ARL15: variants seen among roughly 807,000 people sequenced by gnomAD.
ARL15 encodes ARF like GTPase 15.
ARL15 carries 19 observed loss-of-function variants against 25.2 expected under a neutral mutation model. That is an observed-to-expected ratio of 0.75 (90% CI 0.53 to 1.10). The LOEUF (loss-of-function observed/expected upper bound fraction) is 1.10. ARL15 is among the 50% of genes least tolerant of loss of function. ARL15 has a pLI of 0.00. For missense variants in ARL15, 220 were observed against 246.0 expected (o/e 0.89, Z 0.71); for synonymous variants, 94 against 86.8 (o/e 1.08, Z -0.46).
chr5:54,292,649 C>T (rs953169752), intron 1 of ARL15, among the ~76,000 whole-genome samples: 5 of 152,020 alleles, frequency 3.3e-5, no homozygotes, highest in East Asian at 1.9e-4. Context: ...AGTAGAACCA[C>T]GCACAATTCA....
intron 1 of ARL15, among the ~76,000 whole-genome samples, chr5:54,259,602 T>C (rs1048184286): frequency 6.6e-6 from 1 of 152,106 alleles, no homozygotes; most frequent in Admixed American, 6.6e-5. Flanking sequence ...TGGGAGGTCA[T>C]CAACATTCAG....
intron 3 of ARL15, among the ~76,000 whole-genome samples, chr5:54,141,732 G>A (rs899705408): frequency 2.0e-5 from 3 of 151,738 alleles, no homozygotes; most frequent in Admixed American, 2.0e-4. Context: ...CCACTCCCAG[G>A]CAATCACTGG....
chr5:54,046,271 A>T (rs925146998), intron 4 of ARL15, among the ~76,000 whole-genome samples: 1 of 152,216 alleles, frequency 6.6e-6, no homozygotes, highest in Admixed American at 6.5e-5. Context: ...ACATGAGGTC[A>T]GGAGTTTGAG....
chr5:53,991,561 AG>A lies in ARL15; in HGVS notation c.463-104849del, dbSNP rs150250231. ...CCATCTCAAAAAAAAAAAAAAAAAA[AG>A]GGGGGGCGGGGGGCAATTGAAGCAA... On this transcript the variant is annotated intron_variant, in intron 4 of 4. Coordinates refer to ENST00000504924, the MANE Select transcript of ARL15 (RefSeq NM_019087.3). Among the ~76,000 whole-genome samples, 388 of 92,068 alleles carry A rather than the reference AG, an allele frequency of 4.2e-3. 10 individuals are homozygous for A. The highest frequency in any genetic ancestry group is 6.2e-3 in the East Asian group (14 of 2,266). The allele number at this position is 92,068 out of a possible 152,430, so 60.4% of individuals were successfully genotyped here.
chr5:53,925,997 CTTT>C (rs70986651), intron 4 of ARL15, among the ~76,000 whole-genome samples: 26,934 of 122,866 alleles, frequency 0.22, 2,792 homozygotes, highest in East Asian at 0.39. Flanking sequence ...TTTTTTCTTT[CTTT>C]TTTTTTTTTT....
intron 4 of ARL15, among the ~76,000 whole-genome samples, chr5:54,084,391 A>G (rs1186697987): frequency 2.1e-5 from 3 of 143,214 alleles, no homozygotes; most frequent in African/African-American, 7.9e-5. Flanking sequence ...GGAGTAGGAT[A>G]CTTTTGGGGC....
chr5:54,307,163 C>A (rs1758779496), intron 1 of ARL15, among the ~76,000 whole-genome samples: 1 of 152,166 alleles, frequency 6.6e-6, no homozygotes, highest in Non-Finnish European at 1.5e-5. Flanking sequence ...TAGGAAGATT[C>A]ACTCATCAAC....
chr5:54,089,348 A>G (rs1372151919), intron 4 of ARL15, among the ~76,000 whole-genome samples: 1 of 152,198 alleles, frequency 6.6e-6, no homozygotes, highest in Admixed American at 6.5e-5. Context: ...ATCTAATACT[A>G]TACAAGGGTG....
intron 3 of ARL15, among the ~76,000 whole-genome samples, chr5:54,118,734 G>C (rs779304553): frequency 7.6e-4 from 115 of 152,220 alleles, no homozygotes; most frequent in Non-Finnish European, 6.8e-4. Context: ...TAATCTCCTT[G>C]GTACCATTAT....
At chr5:54,046,416 G>A (rs993665822) in intron 4 of ARL15, among the ~76,000 whole-genome samples, 8 of 152,226 alleles carry the variant, frequency 5.3e-5, no homozygotes, top group Non-Finnish European at 1.2e-4. Context: ...AGGAGGCAGA[G>A]GTTGCAGTGA....
At chr5:54,291,553 A>G (rs892376561) in intron 1 of ARL15, among the ~76,000 whole-genome samples, 2 of 152,206 alleles carry the variant, frequency 1.3e-5, no homozygotes, top group African/African-American at 4.8e-5. Flanking sequence ...ACAGAAGGCT[A>G]ACTATAATAA....
intron 1 of ARL15, among the ~76,000 whole-genome samples, chr5:54,219,821 C>G (rs1388661859): frequency 6.6e-6 from 1 of 152,182 alleles, no homozygotes; most frequent in Non-Finnish European, 1.5e-5. Flanking sequence ...ATTCCTGATA[C>G]TAACTGTTCT....
intron 4 of ARL15, among the ~76,000 whole-genome samples, chr5:54,064,540 T>G (rs1751160514): frequency 6.6e-6 from 1 of 152,194 alleles, no homozygotes; most frequent in Non-Finnish European, 1.5e-5. Context: ...CAGCATTGCA[T>G]CAGTCTTTGA....
intron 4 of ARL15, among the ~76,000 whole-genome samples, chr5:54,060,397 T>C (rs1751027425): frequency 6.6e-6 from 1 of 152,196 alleles, no homozygotes; most frequent in Non-Finnish European, 1.5e-5. Flanking sequence ...ATCCTGCCAC[T>C]GCGCAGCAGC....
chr5:54,246,797 T>TACACCCAC (rs1554050204), intron 1 of ARL15, among the ~76,000 whole-genome samples: 2 of 138,998 alleles, frequency 1.4e-5, no homozygotes, highest in African/African-American at 5.5e-5. Context: ...AAAGCATGCA[T>TACACCCAC]ACACACACAC....
chr5:54,213,728 T>C (rs1351077373), intron 1 of ARL15, among the ~76,000 whole-genome samples: 1 of 152,110 alleles, frequency 6.6e-6, no homozygotes, highest in African/African-American at 2.4e-5. Flanking sequence ...AAATCTTCAA[T>C]AAATGGGTCA....
chr5:54,294,553 C>G (rs1354329198), intron 1 of ARL15, among the ~76,000 whole-genome samples: 3 of 152,198 alleles, frequency 2.0e-5, no homozygotes, highest in African/African-American at 7.2e-5. Flanking sequence ...CAAAACTAAC[C>G]TGAAATCCAG....
intron 4 of ARL15, among the ~76,000 whole-genome samples, chr5:53,993,975 T>C (rs1029846372): frequency 1.3e-5 from 2 of 152,210 alleles, no homozygotes; most frequent in South Asian, 2.1e-4. Flanking sequence ...GTCAAGATAT[T>C]TGTGGTTCAC....
intron 4 of ARL15, among the ~76,000 whole-genome samples, chr5:54,097,124 G>T (rs1752312683): frequency 6.6e-6 from 1 of 152,068 alleles, no homozygotes; most frequent in Admixed American, 6.6e-5. Flanking sequence ...AGACCATCCT[G>T]GCCAACATGG....
Sources: allele counts gnomAD v4.1 joint callset (sites outside exome capture counted in the v4.1 genomes callset), GRCh38; gene constraint gnomAD v4.1.1; transcripts MANE v1.5; gene names NCBI Gene and HGNC (gene_info 2026-07-23, HGNC 2026-07-21).